The following EPHA4 variants were observed in gnomAD, a reference collection of about 807,000 sequenced individuals.
EPHA4 encodes ephrin type-A receptor 4.
EPHA4 carries 19 observed loss-of-function variants against 108.3 expected under a neutral mutation model. That is an observed-to-expected ratio of 0.18 (90% CI 0.12 to 0.26). The LOEUF is 0.26. EPHA4 is among the 10% of genes least tolerant of loss of function. EPHA4 has a pLI of 1.00. For missense variants in EPHA4, 917 were observed against 1,254.0 expected, an observed-to-expected ratio of 0.73 and a Z score of 4.06; for synonymous variants, 449 against 455.5, an observed-to-expected ratio of 0.99 and a Z score of 0.18.
intron 3 of EPHA4, among the ~76,000 whole-genome samples, chr2:221,517,227 A>G (rs1452859946): frequency 6.6e-6 from 1 of 152,176 alleles, no homozygotes; most frequent in Non-Finnish European, 1.5e-5. Context: ...TGAACATTAC[A>G]TGGGAAAGCA....
At chr2:221,435,319 C>T (rs535125506) in intron 13 of EPHA4, among the ~76,000 whole-genome samples, 1 of 152,260 alleles carries the variant, frequency 6.6e-6, no homozygotes, top group Admixed American at 6.5e-5. Context: ...TAGAAGCCTC[C>T]TTTAACTTTT....
At chr2:221,432,712 T>C (rs1206077211) in intron 14 of EPHA4, among the ~76,000 whole-genome samples, 1 of 151,978 alleles carries the variant, frequency 6.6e-6, no homozygotes, top group African/African-American at 2.4e-5. Flanking sequence ...GGTGTCATCT[T>C]GGCTCACTGC....
chr2:221,563,652 T>G, intron 3 of EPHA4, 79 bp downstream of exon 3: 1 of 1,512,978 alleles, frequency 6.6e-7, no homozygotes, highest in East Asian at 2.3e-5. Flanking sequence ...ATTACTGGCT[T>G]TACTCCATTT....
intron 3 of EPHA4, among the ~76,000 whole-genome samples, chr2:221,526,012 C>A (rs1331751551): frequency 6.6e-6 from 1 of 152,212 alleles, no homozygotes; most frequent in African/African-American, 2.4e-5. Context: ...AGGTTTATCA[C>A]ATTTCAAAAA....
intron 2 of EPHA4, among the ~76,000 whole-genome samples, chr2:221,567,629 C>A (rs966073433): frequency 6.6e-6 from 1 of 152,214 alleles, no homozygotes; most frequent in African/African-American, 2.4e-5. Flanking sequence ...CTGTTTGCAA[C>A]AAGACAGCCT....
intron 15 of EPHA4, 82 bp downstream of exon 15, chr2:221,429,876 G>T (rs1459213823): frequency 1.3e-6 from 2 of 1,503,850 alleles, no homozygotes; most frequent in Admixed American, 1.9e-5. Context: ...TGATGAAAAG[G>T]CAGGAATTTA....
intron 3 of EPHA4, among the ~76,000 whole-genome samples, chr2:221,554,586 G>C (rs1436087845): frequency 6.6e-6 from 1 of 152,082 alleles, no homozygotes; most frequent in South Asian, 2.1e-4. Flanking sequence ...GAGTGGGGAG[G>C]AGGGAGACAG....
At chr2:221,568,655 T>A in intron 2 of EPHA4, 63 bp downstream of exon 2, 1 of 1,358,596 alleles carries the variant, frequency 7.4e-7, no homozygotes, top group Non-Finnish European at 1.0e-6. Context: ...CCATTAGGAC[T>A]CTCAGAAAGT....
At chr2:221,484,921 G>A (rs894604255) in intron 4 of EPHA4, among the ~76,000 whole-genome samples, 2 of 152,194 alleles carry the variant, frequency 1.3e-5, no homozygotes, top group African/African-American at 4.8e-5. Flanking sequence ...ACATGGAGGT[G>A]GCAGTGAGCT....
intron 8 of EPHA4, among the ~76,000 whole-genome samples, chr2:221,455,061 A>G (rs543358453): frequency 1.3e-5 from 2 of 152,308 alleles, no homozygotes; most frequent in African/African-American, 2.4e-5. Flanking sequence ...TGTATTATCT[A>G]TTTTGTGTAT....
At chr2:221,561,209 T>C (rs1694453871) in intron 3 of EPHA4, among the ~76,000 whole-genome samples, 1 of 151,976 alleles carries the variant, frequency 6.6e-6, no homozygotes, top group Non-Finnish European at 1.5e-5. Flanking sequence ...GCCACTGCAC[T>C]CCAGCCTGGG....
chr2:221,522,769 TATTA>T (rs1238729849), intron 3 of EPHA4, among the ~76,000 whole-genome samples: 59 of 112,440 alleles, frequency 5.2e-4, no homozygotes, highest in African/African-American at 1.8e-3. Context: ...TTATTATTAT[TATTA>T]TTTTTTTGAG....
intron 5 of EPHA4, among the ~76,000 whole-genome samples, chr2:221,471,376 C>T (rs548656283): frequency 6.6e-6 from 1 of 152,158 alleles, no homozygotes; most frequent in African/African-American, 2.4e-5. Context: ...AGTATTTAGT[C>T]CATTCCTAAA....
At position 221,456,886 on chromosome 2, in the gene EPHA4, G is replaced by T. The variant is rs376545112; in HGVS notation, c.1444-114C>A. 130 of 1,102,854 alleles carry T rather than the reference G, an allele frequency of 1.2e-4. 1 individual carries two copies. In the South Asian group the frequency reaches 1.9e-3, roughly 16 times the overall value. 68.3% of individuals were successfully genotyped at this position (1,102,854 alleles called of 1,614,324 possible). ...TCAACTCAGAAACTGAAAGTAAATGGAGATGAATAAACTCTCTGGAGCCTG... is the reference window on the plus strand; with the variant it reads ...TCAACTCAGAAACTGAAAGTAAATGTAGATGAATAAACTCTCTGGAGCCTG... On this transcript the variant is annotated intron_variant, in intron 6 of 17. Transcript: ENST00000281821.
intron 4 of EPHA4, among the ~76,000 whole-genome samples, chr2:221,498,870 C>A (rs1194939923): frequency 6.7e-6 from 1 of 150,282 alleles, no homozygotes; most frequent in Non-Finnish European, 1.5e-5. Context: ...CGGCTCACTG[C>A]AACCTCTGCC....
In EPHA4 at chr2:221,499,750, ATATATATTTT is replaced by A. The variant is rs1427850766; in HGVS notation, c.979+1257_979+1266del. 8.3e-3 allele frequency among the ~76,000 whole-genome samples: 386 copies of A among 46,236 alleles called. 1 individual carries two copies. The highest frequency in any genetic ancestry group is 0.046 in the African/African-American group (366 of 7,954). 30.3% of individuals were successfully genotyped at this position (46,236 alleles called of 152,430 possible). A position where few individuals can be genotyped will look rare whatever the true frequency, so the allele number is the denominator to read the frequency against. The stretch of plus-strand genomic sequence containing the variant: ...TATATATATATATATATATATATAT[ATATATATTTT>A]TTTTTTTTTTTTTTGAGACAGAGTT... On this transcript the variant is annotated intron_variant, in intron 4 of 17. Coordinates refer to ENST00000281821, the MANE Select transcript of EPHA4 (RefSeq NM_004438.5).
intron 3 of EPHA4, among the ~76,000 whole-genome samples, chr2:221,542,906 TAAAAGAA>T (rs1275180605): frequency 2.0e-5 from 3 of 152,194 alleles, no homozygotes; most frequent in Non-Finnish European, 2.9e-5. Context: ...AGTAAAACTT[TAAAAGAA>T]GTTTTCTCAC....
rs1559297303 is a variant in EPHA4, at chr2:221,566,939, A to AAGAG, written c.159+1778_159+1779insCTCT. Among the ~76,000 whole-genome samples the AAGAG allele has an allele frequency of 7.9e-3, 300 of 37,874 alleles. 87 individuals are homozygous for AAGAG. Among genetic ancestry groups the AAGAG allele is most frequent in the African/African-American group, 0.035 (237 of 6,774 alleles). 24.8% of individuals were successfully genotyped at this position (37,874 alleles called of 152,430 possible). A position where few individuals can be genotyped will look rare whatever the true frequency, so the allele number is the denominator to read the frequency against. The stretch of plus-strand genomic sequence containing the variant: ...GAGAAGGAGAAGGAGAAGGAGAAGG[A>AAGAG]GAAGGAGAAGGAGAAGGGGAAGAGG... On this transcript the variant is annotated intron_variant, in intron 2 of 17. Transcript: ENST00000281821.
chr2:221,474,039 T>C lies in EPHA4; in HGVS notation c.1318+8313A>G, dbSNP rs1006916395. On this transcript the variant is annotated intron_variant, in intron 5 of 17. Transcript: ENST00000281821. Reference sequence around the variant, plus strand: ...GGGTGTATAAATAAAGACTTCATTTTCTTAGAGTGGAATATTCACATCTTT... The same window carrying C: ...GGGTGTATAAATAAAGACTTCATTTCCTTAGAGTGGAATATTCACATCTTT... Among the ~76,000 whole-genome samples the C allele has an allele frequency of 2.6e-5, 4 of 152,336 alleles. No homozygotes were observed. In the East Asian group the frequency reaches 7.7e-4, roughly 29 times the overall value.
Sources: allele counts gnomAD v4.1 joint callset (sites outside exome capture counted in the v4.1 genomes callset), GRCh38; gene constraint gnomAD v4.1.1; transcripts MANE v1.5; gene names NCBI Gene and HGNC (gene_info 2026-07-23, HGNC 2026-07-21).